The following SPEF2 variants were observed in gnomAD, a reference collection of about 807,000 sequenced individuals.
The protein encoded by SPEF2 is sperm flagellar and cilia associated 2.
Under a neutral mutation model 224.6 loss-of-function variants are expected in SPEF2, and 187 were observed. The ratio of observed to expected loss-of-function variants is 0.83; its 90% CI spans 0.74 to 0.94. The LOEUF is 0.94. SPEF2 is among the 40% of genes least tolerant of loss of function. The pLI, the probability that SPEF2 is intolerant of heterozygous loss-of-function variation, is 0.00. For missense variants in SPEF2, 2,170 were observed against 2,135.6 expected (o/e 1.02, Z -0.32); for synonymous variants, 715 against 707.3 (o/e 1.01, Z -0.17).
In SPEF2 at chr5:35,722,035, C is replaced by G. The variant is rs540908370; in HGVS notation, c.2915-5640C>G. 8.2e-4 allele frequency among the ~76,000 whole-genome samples: 124 copies of G among 151,806 alleles called. 1 individual carries two copies. The highest frequency in any genetic ancestry group is 1.1e-3 in the Non-Finnish European group (76 of 67,964). On this transcript the variant is annotated intron_variant, in intron 20 of 36. Coordinates refer to ENST00000356031, the MANE Select transcript of SPEF2 (RefSeq NM_024867.4). ...GAACAGTATTAGTTGAGGGCCTGGCCTAGTAAAGGGGGGTAAAAACTTTAA... is the reference window on the plus strand; with the variant it reads ...GAACAGTATTAGTTGAGGGCCTGGCGTAGTAAAGGGGGGTAAAAACTTTAA...
At chr5:35,713,119 A>T (rs1354472392) in intron 20 of SPEF2, among the ~76,000 whole-genome samples, 2 of 152,218 alleles carry the variant, frequency 1.3e-5, no homozygotes, top group Non-Finnish European at 2.9e-5. Flanking sequence ...TATCTAATAT[A>T]CAGAATATCC....
At chr5:35,766,030 T>C (rs1301410794) in intron 26 of SPEF2, among the ~76,000 whole-genome samples, 1 of 152,160 alleles carries the variant, frequency 6.6e-6, no homozygotes, top group East Asian at 1.9e-4. Context: ...TTTGTTTTGT[T>C]AATACTTTGT....
intron 8 of SPEF2, 55 bp from the exon 9 acceptor site, chr5:35,667,017 T>C: frequency 4.1e-6 from 6 of 1,476,338 alleles, no homozygotes; most frequent in Non-Finnish European, 5.4e-6. Flanking sequence ...AATGATGACA[T>C]TATTTTTATT....
chr5:35,676,828 AGT>A (rs1372420771), intron 10 of SPEF2, among the ~76,000 whole-genome samples: 3 of 152,196 alleles, frequency 2.0e-5, no homozygotes, highest in Non-Finnish European at 4.4e-5. Flanking sequence ...GATCCAAGAA[AGT>A]GTTTAAATTT....
At position 35,635,544 on chromosome 5, in the gene SPEF2, A is replaced by G. The variant is rs561387400; in HGVS notation, c.162-5887A>G. On this transcript the variant is annotated intron_variant, in intron 2 of 36. Transcript: ENST00000356031. ...TTCAGTTTTTAGCAGTGATATTTCC[A>G]TTTACAAAATGTAGTAATTCTCAAT... Among the ~76,000 whole-genome samples the G allele has an allele frequency of 2.1e-3, 327 of 152,292 alleles. 1 individual carries two copies. The highest frequency in any genetic ancestry group is 3.7e-3 in the Admixed American group (57 of 15,288).
intron 2 of SPEF2, among the ~76,000 whole-genome samples, chr5:35,632,273 TG>T (rs1561101310): frequency 6.6e-6 from 1 of 152,280 alleles, no homozygotes; most frequent in East Asian, 1.9e-4. Flanking sequence ...ACTTCCACAT[TG>T]CTGGGGAGGC....
At chr5:35,787,989 G>C (rs1755404796) in intron 30 of SPEF2, 1 of 655,470 alleles carries the variant, frequency 1.5e-6, no homozygotes, top group Non-Finnish European at 2.8e-6. Context: ...AAATATCCAT[G>C]GCTTATATAT....
chr5:35,694,113 G>C (rs1256431933), intron 12 of SPEF2, among the ~76,000 whole-genome samples, 175 bp from the exon 13 acceptor site: 1 of 152,104 alleles, frequency 6.6e-6, no homozygotes, highest in Non-Finnish European at 1.5e-5. Flanking sequence ...AATATTGTTT[G>C]TTTCTGGAAA....
At chr5:35,761,762 A>T in intron 25 of SPEF2, among the ~76,000 whole-genome samples, 1 of 152,252 alleles carries the variant, frequency 6.6e-6, no homozygotes, top group East Asian at 1.9e-4. Flanking sequence ...CGAGAGTGGC[A>T]GTACATTCTG....
chr5:35,697,820 A>G, intron 15 of SPEF2, 27 bp downstream of exon 15: 2 of 1,490,650 alleles, frequency 1.3e-6, no homozygotes, highest in Non-Finnish European at 1.9e-6. Flanking sequence ...TCTTCCTCTC[A>G]TCTATTTAAT....
At chr5:35,687,069 A>G (rs763040881) in intron 10 of SPEF2, among the ~76,000 whole-genome samples, 2 of 152,162 alleles carry the variant, frequency 1.3e-5, no homozygotes, top group Non-Finnish European at 2.9e-5. Context: ...TGTGGAGCAT[A>G]TAAGTGTTCA....
intron 30 of SPEF2, among the ~76,000 whole-genome samples, chr5:35,783,860 T>A (rs1228655337): frequency 6.6e-6 from 1 of 152,204 alleles, no homozygotes; most frequent in Non-Finnish European, 1.5e-5. Context: ...GAAACTAGAA[T>A]ACTTAGCAAT....
intron 31 of SPEF2, 26 bp from the exon 32 acceptor site, chr5:35,793,133 C>G (rs777113620): frequency 1.3e-6 from 2 of 1,598,028 alleles, no homozygotes; most frequent in Admixed American, 3.4e-5. Flanking sequence ...GTAGATATTC[C>G]AAAGATATTT....
intron 5 of SPEF2, among the ~76,000 whole-genome samples, chr5:35,647,704 CAT>C (rs1747589530): frequency 1.3e-5 from 2 of 152,000 alleles, no homozygotes; most frequent in African/African-American, 4.8e-5. Context: ...TCAAGGTACA[CAT>C]AGCATATGTA....
chr5:35,788,711 G>A (rs772963645), intron 30 of SPEF2: 28 of 702,902 alleles, frequency 4.0e-5, no homozygotes, highest in East Asian at 2.1e-4. Flanking sequence ...AGAGAACAAC[G>A]AGGTGGCCCT....
At chr5:35,685,745 T>C (rs1753515651) in intron 10 of SPEF2, among the ~76,000 whole-genome samples, 1 of 152,018 alleles carries the variant, frequency 6.6e-6, no homozygotes, top group African/African-American at 2.4e-5. Context: ...AAAAAATGTC[T>C]TTCAAATTAG....
intron 33 of SPEF2, among the ~76,000 whole-genome samples, chr5:35,799,671 C>G (rs1277302807): frequency 6.6e-6 from 1 of 152,088 alleles, no homozygotes; most frequent in Non-Finnish European, 1.5e-5. Context: ...GCTTGTGGCT[C>G]TCTTTTCCTA....
chr5:35,744,438 A>G (rs1298188902), intron 23 of SPEF2, among the ~76,000 whole-genome samples: 1 of 152,128 alleles, frequency 6.6e-6, no homozygotes, highest in Admixed American at 6.6e-5. Flanking sequence ...CTTGTTCTTC[A>G]ATTATTTCAT....
At chr5:35,749,161 A>T (rs1343103576) in intron 23 of SPEF2, among the ~76,000 whole-genome samples, 1 of 152,170 alleles carries the variant, frequency 6.6e-6, no homozygotes, top group East Asian at 1.9e-4. Flanking sequence ...TGGCTTTATG[A>T]TTAAAACTCT....
Sources: gnomAD v4.1 joint callset for allele counts (sites outside exome capture counted in the v4.1 genomes callset) on GRCh38, gnomAD v4.1.1 for gene constraint, MANE v1.5 for transcripts, NCBI Gene and HGNC (gene_info 2026-07-23, HGNC 2026-07-21) for gene names.